The following SORCS3 variants were observed in gnomAD, a reference collection of about 807,000 sequenced individuals.
SORCS3 encodes the protein VPS10 domain-containing receptor SorCS3.
In SORCS3, 57 loss-of-function variants were observed where a neutral mutation model predicts 146.3. That is an observed-to-expected ratio of 0.39 (90% CI 0.31 to 0.49). The LOEUF is 0.49. SORCS3 is among the 20% of genes least tolerant of loss of function. SORCS3 has a pLI of 0.92. For synonymous variants in SORCS3, 653 were observed against 618.5 expected, an observed-to-expected ratio of 1.06 and a Z score of -0.83; for missense variants, 1,341 against 1,575.5, an observed-to-expected ratio of 0.85 and a Z score of 2.52.
chr10:105,214,549 C>T lies in SORCS3; in HGVS notation c.2483C>T (p.Thr828Met), dbSNP rs201415126. The change falls in exon 18 of 27, where the codon ACG (threonine) becomes ATG (methionine). Residue 828 changes from threonine (T) to methionine (M), a missense_variant. Physicochemically the swap from Thr to Met is moderately conservative, Grantham distance 81 (BLOSUM62 -1). Transcript: ENST00000369701. ...GCCCCTCGGGGCCTCCATGTGGTGACGACCGATGGGCGGCTGGTGGCAGAG... is the reference window on the plus strand; with the variant it reads ...GCCCCTCGGGGCCTCCATGTGGTGATGACCGATGGGCGGCTGGTGGCAGAG... ...GKAPRGLHVV[T>M]TDGRLVAEQG... The T allele has an allele frequency of 5.4e-5, 87 of 1,611,324 alleles. No homozygotes were observed. Among genetic ancestry groups the T allele is most frequent in the Admixed American group, 5.1e-5 (3 of 59,336 alleles).
intron 3 of SORCS3, among the ~76,000 whole-genome samples, chr10:104,963,207 TA>T (rs548639265): frequency 2.6e-5 from 4 of 152,334 alleles, no homozygotes; most frequent in African/African-American, 9.6e-5. Flanking sequence ...GGGTTAAAGT[TA>T]TGAATATTTA....
intron 1 of SORCS3, among the ~76,000 whole-genome samples, chr10:104,831,777 C>T (rs2018003545): frequency 6.6e-6 from 1 of 152,144 alleles, no homozygotes; most frequent in Non-Finnish European, 1.5e-5. Context: ...TGGGGAAAAC[C>T]TGCACCTTGC....
At chr10:105,061,496 C>T (rs971471599) in intron 5 of SORCS3, among the ~76,000 whole-genome samples, 6 of 151,728 alleles carry the variant, frequency 4.0e-5, no homozygotes, top group Non-Finnish European at 7.4e-5. Flanking sequence ...AGGGTTTCAC[C>T]GTGTTAGCCA....
At position 105,016,496 on chromosome 10, in the gene SORCS3, G is replaced by A. The variant is rs559020030; in HGVS notation, c.955-26559G>A. ...CCTAAAATATTACATGATTTTTAGC[G>A]AGCAGACACATAACACTGAAGAAAT... On this transcript the variant is annotated intron_variant, in intron 4 of 26. Coordinates refer to ENST00000369701, the MANE Select transcript of SORCS3 (RefSeq NM_014978.3). 6.6e-5 allele frequency among the ~76,000 whole-genome samples: 10 copies of A among 151,926 alleles called. No homozygotes were observed. In the East Asian group the frequency reaches 1.7e-3, roughly 26 times the overall value.
At chr10:105,162,712 C>T (rs777164497) in intron 11 of SORCS3, among the ~76,000 whole-genome samples, 1 of 152,132 alleles carries the variant, frequency 6.6e-6, no homozygotes, top group Admixed American at 6.5e-5. Context: ...TCTAGTCGAG[C>T]TTTGAAAGAG....
chr10:105,010,588 T>A (rs1438898185), intron 4 of SORCS3, among the ~76,000 whole-genome samples: 1 of 152,216 alleles, frequency 6.6e-6, no homozygotes, highest in African/African-American at 2.4e-5. Flanking sequence ...CCAGCTACTC[T>A]TGCATTCAAT....
chr10:104,873,881 A>G (rs539075393), intron 2 of SORCS3, among the ~76,000 whole-genome samples: 1 of 152,134 alleles, frequency 6.6e-6, no homozygotes, highest in Non-Finnish European at 1.5e-5. Context: ...AACAATAACT[A>G]CCTCTCTCCA....
At chr10:104,680,860 T>C (rs1445553794) in intron 1 of SORCS3, among the ~76,000 whole-genome samples, 1 of 152,184 alleles carries the variant, frequency 6.6e-6, no homozygotes, top group African/African-American at 2.4e-5. Context: ...AGAGCTTCTC[T>C]CAAGCACCAG....
In SORCS3 at chr10:105,061,253, T is replaced by C. The variant is rs557287695; in HGVS notation, c.1028+18125T>C. Among the ~76,000 whole-genome samples the C allele has an allele frequency of 4.6e-5, 7 of 150,846 alleles. No individual in the cohort carries two copies. The South Asian group carries it at 1.5e-3, about 32-fold the overall frequency. On this transcript the variant is annotated intron_variant, in intron 5 of 26. Transcript: ENST00000369701. Reference sequence around the variant, plus strand: ...TCTGAGTAGTTTTGTGTTTGTTTTGTGGGGGTGAGGTAGGGTGGGAGAGAT... The same window carrying C: ...TCTGAGTAGTTTTGTGTTTGTTTTGCGGGGGTGAGGTAGGGTGGGAGAGAT...
intron 5 of SORCS3, among the ~76,000 whole-genome samples, chr10:105,048,355 T>TA (rs1318743903): frequency 6.7e-6 from 1 of 149,872 alleles, no homozygotes; most frequent in Non-Finnish European, 1.5e-5. Flanking sequence ...TATGCAGCCA[T>TA]AAAAAATGAT....
At chr10:105,016,153 A>ATTTT (rs1242064422) in intron 4 of SORCS3, among the ~76,000 whole-genome samples, 19 of 101,432 alleles carry the variant, frequency 1.9e-4, no homozygotes, top group African/African-American at 9.3e-4. Context: ...ATATATATAT[A>ATTTT]TATTTTTTTT....
intron 22 of SORCS3, among the ~76,000 whole-genome samples, chr10:105,251,840 G>T (rs72819923): frequency 3.6e-4 from 55 of 152,062 alleles, no homozygotes; most frequent in African/African-American, 1.3e-3. Context: ...AAATTCACTC[G>T]TATTCTCAGC....
At chr10:104,841,425 A>G (rs2018138198) in intron 1 of SORCS3, among the ~76,000 whole-genome samples, 1 of 152,220 alleles carries the variant, frequency 6.6e-6, no homozygotes, top group Non-Finnish European at 1.5e-5. Context: ...ACAAATGGCC[A>G]TGCCATTGAT....
intron 7 of SORCS3, among the ~76,000 whole-genome samples, chr10:105,138,609 C>T (rs1241360071): frequency 6.6e-6 from 1 of 152,240 alleles, no homozygotes; most frequent in Non-Finnish European, 1.5e-5. Flanking sequence ...CAGAGAGCAG[C>T]CATCTGCAGA....
At chr10:105,078,575 A>G (rs1464479446) in intron 5 of SORCS3, among the ~76,000 whole-genome samples, 2 of 152,208 alleles carry the variant, frequency 1.3e-5, no homozygotes, top group African/African-American at 4.8e-5. Context: ...TTGAGGTCAT[A>G]TATCTAAATT....
intron 25 of SORCS3, 134 bp from the exon 26 acceptor site, chr10:105,262,197 G>T (rs965681609): frequency 1.7e-5 from 13 of 777,334 alleles, no homozygotes; most frequent in Non-Finnish European, 2.5e-5. Context: ...TGTCTCTGGG[G>T]TTACCAATAT....
intron 5 of SORCS3, among the ~76,000 whole-genome samples, chr10:105,066,697 C>T (rs558190761): frequency 7.2e-5 from 11 of 152,244 alleles, no homozygotes; most frequent in African/African-American, 2.6e-4. Flanking sequence ...AGCCAAGAAG[C>T]CTTTGCTCTA....
At chr10:104,903,578 A>G (rs2018874555) in intron 2 of SORCS3, among the ~76,000 whole-genome samples, 2 of 152,202 alleles carry the variant, frequency 1.3e-5, no homozygotes, top group African/African-American at 2.4e-5. Flanking sequence ...AAAAAAAGGC[A>G]TGTTGTAAGT....
chr10:105,060,951 A>C (rs565761136), intron 5 of SORCS3, among the ~76,000 whole-genome samples: 61 of 152,182 alleles, frequency 4.0e-4, no homozygotes, highest in Middle Eastern at 6.8e-3. Flanking sequence ...ACAAAAAAAA[A>C]AAACAAACAA....
Sources: gnomAD v4.1 joint callset for allele counts (sites outside exome capture counted in the v4.1 genomes callset) on GRCh38, gnomAD v4.1.1 for gene constraint, MANE v1.5 for transcripts, NCBI Gene and HGNC (gene_info 2026-07-23, HGNC 2026-07-21) for gene names.